TCF7L2: variants seen among roughly 807,000 people sequenced by gnomAD.
TCF7L2 encodes the protein transcription factor 7 like 2.
A neutral mutation model predicts 77.9 loss-of-function variants in TCF7L2; 23 were observed. The ratio of observed to expected loss-of-function variants is 0.30; its 90% confidence interval spans 0.21 to 0.42. TCF7L2 has a LOEUF of 0.42. TCF7L2 is among the 10% of genes least tolerant of loss of function. TCF7L2 has a pLI of 1.00. For synonymous variants in TCF7L2, 413 were observed against 340.2 expected (o/e 1.21, Z -2.36); for missense variants, 654 against 793.1 (o/e 0.82, Z 2.11).
At chr10:113,120,713 C>T (rs927089945) in intron 5 of TCF7L2, among the ~76,000 whole-genome samples, 1 of 152,126 alleles carries the variant, frequency 6.6e-6, no homozygotes, top group Non-Finnish European at 1.5e-5. Context: ...CTAACAGCAC[C>T]AGTGTCACAG....
At chr10:112,976,336 T>C (rs928329391) in intron 4 of TCF7L2, among the ~76,000 whole-genome samples, 2 of 152,246 alleles carry the variant, frequency 1.3e-5, no homozygotes, top group African/African-American at 2.4e-5. Flanking sequence ...ATGATAAATT[T>C]GATAACTTGG....
At chr10:113,120,108 C>A (rs1271562349) in intron 5 of TCF7L2, among the ~76,000 whole-genome samples, 1 of 152,150 alleles carries the variant, frequency 6.6e-6, no homozygotes, top group Non-Finnish European at 1.5e-5. Flanking sequence ...ACCAGAGGCT[C>A]CGCCAATAAA....
At chr10:112,971,310 T>A (rs2038187402) in intron 4 of TCF7L2, among the ~76,000 whole-genome samples, 1 of 152,216 alleles carries the variant, frequency 6.6e-6, no homozygotes, top group Non-Finnish European at 1.5e-5. Context: ...TTTTATTTTT[T>A]TTGAGACAGA....
intron 5 of TCF7L2, among the ~76,000 whole-genome samples, chr10:113,068,208 A>G (rs936463098): frequency 9.9e-5 from 15 of 152,254 alleles, no homozygotes; most frequent in South Asian, 2.1e-4. Flanking sequence ...CTAATGAAGT[A>G]TATACCACCT....
intron 5 of TCF7L2, among the ~76,000 whole-genome samples, chr10:113,059,137 T>TA (rs1413943486): frequency 6.6e-6 from 1 of 152,004 alleles, no homozygotes; most frequent in Non-Finnish European, 1.5e-5. Flanking sequence ...GGGAGGAAAA[T>TA]ATTGATGTAC....
chr10:112,964,189 A>C (rs911367638), intron 3 of TCF7L2, among the ~76,000 whole-genome samples: 2 of 151,988 alleles, frequency 1.3e-5, no homozygotes, highest in African/African-American at 4.8e-5. Context: ...AATTCTGATG[A>C]CTTTTTGCAG....
chr10:113,007,317 C>G (rs574853128), intron 4 of TCF7L2, among the ~76,000 whole-genome samples: 2 of 152,226 alleles, frequency 1.3e-5, no homozygotes, highest in South Asian at 2.1e-4. Flanking sequence ...CATTCCTTCT[C>G]TAGCCTCCAT....
chr10:112,955,316 A>T (rs1252937635), intron 3 of TCF7L2, among the ~76,000 whole-genome samples: 1 of 152,230 alleles, frequency 6.6e-6, no homozygotes, highest in African/African-American at 2.4e-5. Flanking sequence ...TTTATGGCGA[A>T]CATGTTTAGA....
At position 113,165,932 on chromosome 10, in the gene TCF7L2, AGC is replaced by A; in HGVS notation, c.1770_1771del (p.Gln590HisfsTer18). ...TCCCACAGCTCCCTGGCCGGGACCC[AGC>A]CCCAGCCGCTGTCGCTCGTCACCAA... On this transcript the variant is annotated frameshift_variant, in exon 14 of 14. Coordinates refer to ENST00000627217, the MANE Select transcript of TCF7L2 (RefSeq NM_001146274.2). LOFTEE classifies it high-confidence loss of function. The A allele has an allele frequency of 6.4e-7, 1 of 1,551,922 alleles. No individual in the cohort carries two copies. Among genetic ancestry groups the A allele is most frequent in the Admixed American group, 2.0e-5 (1 of 49,856 alleles).
chr10:113,109,095 G>A (rs1323493872), intron 5 of TCF7L2, among the ~76,000 whole-genome samples: 2 of 152,176 alleles, frequency 1.3e-5, no homozygotes, highest in Non-Finnish European at 2.9e-5. Flanking sequence ...GCCACATAAC[G>A]TAATGTGTTG....
intron 4 of TCF7L2, among the ~76,000 whole-genome samples, chr10:112,973,933 AG>A: frequency 6.6e-6 from 1 of 152,318 alleles, no homozygotes; most frequent in Middle Eastern, 3.4e-3. Context: ...CTTGTTGCCC[AG>A]GCTGATACAG....
In TCF7L2 at chr10:113,129,711, C is replaced by A. The variant is rs770310750; in HGVS notation, c.553-11473C>A. ...TCTTTTTAGATGCTTTTTTTCAGTT[C>A]TTTAAGTGAAAGGTTTAAAGGGAGG... On this transcript the variant is annotated intron_variant, in intron 5 of 13. Coordinates refer to ENST00000627217, the MANE Select transcript of TCF7L2 (RefSeq NM_001146274.2). The A allele has an allele frequency of 2.7e-4, 322 of 1,205,014 alleles. 1 individual carries two copies. The highest frequency in any genetic ancestry group is 2.4e-3 in the South Asian group (153 of 65,048). The allele number at this position is 1,205,014 out of a possible 1,614,324, so 74.6% of individuals were successfully genotyped here.
chr10:113,026,311 C>G (rs1344183000), intron 4 of TCF7L2, among the ~76,000 whole-genome samples: 3 of 152,118 alleles, frequency 2.0e-5, no homozygotes, highest in Admixed American at 6.5e-5. Flanking sequence ...ACCACCATGC[C>G]TGGCTAATTT....
At chr10:112,963,582 T>C (rs2035839123) in intron 3 of TCF7L2, among the ~76,000 whole-genome samples, 1 of 152,242 alleles carries the variant, frequency 6.6e-6, no homozygotes, top group African/African-American at 2.4e-5. Flanking sequence ...CAAATTAAAA[T>C]GCATTTTCAG....
At chr10:113,095,478 G>A (rs912846720) in intron 5 of TCF7L2, among the ~76,000 whole-genome samples, 1 of 152,130 alleles carries the variant, frequency 6.6e-6, no homozygotes, top group Non-Finnish European at 1.5e-5. Context: ...TTTCTCTGCT[G>A]ATCAACCGCC....
intron 5 of TCF7L2, among the ~76,000 whole-genome samples, chr10:113,064,161 CA>C (rs2056922993): frequency 6.6e-6 from 1 of 152,178 alleles, no homozygotes; most frequent in South Asian, 2.1e-4. Context: ...GGCTTCCAAT[CA>C]GGCATCACAA....
chr10:113,136,844 T>C (rs1883077), intron 5 of TCF7L2, among the ~76,000 whole-genome samples: 1 of 152,174 alleles, frequency 6.6e-6, no homozygotes, highest in South Asian at 2.1e-4. Context: ...CTTAGGGTGG[T>C]GCAGTTTTGA....
At chr10:113,018,659 G>C (rs542654872) in intron 4 of TCF7L2, among the ~76,000 whole-genome samples, 1 of 151,912 alleles carries the variant, frequency 6.6e-6, no homozygotes, top group South Asian at 2.1e-4. Context: ...GTAGAGACAG[G>C]GTTTCACCCT....
chr10:112,966,103 A>C (rs1460616824), intron 4 of TCF7L2, among the ~76,000 whole-genome samples: 1 of 149,806 alleles, frequency 6.7e-6, no homozygotes, highest in Non-Finnish European at 1.5e-5. Context: ...TGAACCCGGG[A>C]GGCGGAGGTT....
Sources: allele counts gnomAD v4.1 joint callset (sites outside exome capture counted in the v4.1 genomes callset), GRCh38; gene constraint gnomAD v4.1.1; transcripts MANE v1.5; gene names NCBI Gene and HGNC (gene_info 2026-07-23, HGNC 2026-07-21).